The following ITSN2 variants were observed in gnomAD, a reference collection of about 807,000 sequenced individuals.
ITSN2 encodes intersectin-2.
In ITSN2, 156 loss-of-function variants were observed where a neutral mutation model predicts 243.7. The ratio of observed to expected loss-of-function variants is 0.64; its 90% confidence interval spans 0.56 to 0.73. The LOEUF is 0.73. Ranked by LOEUF, ITSN2 falls within the 30% of genes least tolerant of loss-of-function variation. The probability of loss-of-function intolerance (pLI) is 0.00; values close to 1 mark genes in which losing one functional copy is unlikely to be tolerated. For synonymous variants in ITSN2, 703 were observed against 699.9 expected (o/e 1.00, Z -0.07); for missense variants, 1,801 against 1,996.1 (o/e 0.90, Z 1.86).
intron 1 of ITSN2, among the ~76,000 whole-genome samples, chr2:24,352,512 G>C (rs1688114282): frequency 6.6e-6 from 1 of 151,984 alleles, no homozygotes; most frequent in Admixed American, 6.6e-5. Flanking sequence ...AATATACAAA[G>C]CATTAAGACC....
intron 15 of ITSN2, among the ~76,000 whole-genome samples, chr2:24,291,674 G>A (rs1680275392): frequency 6.6e-6 from 1 of 151,994 alleles, no homozygotes; most frequent in Admixed American, 6.6e-5. Context: ...ATTTTTAGTA[G>A]AGATGGCGTA....
At chr2:24,275,047 T>C (rs1165969352) in intron 18 of ITSN2, among the ~76,000 whole-genome samples, 1 of 152,188 alleles carries the variant, frequency 6.6e-6, no homozygotes, top group Non-Finnish European at 1.5e-5. Flanking sequence ...ATATCTCAAG[T>C]GATAAAAAGA....
intron 29 of ITSN2, among the ~76,000 whole-genome samples, chr2:24,233,991 C>T (rs906305599): frequency 1.3e-5 from 2 of 151,978 alleles, no homozygotes; most frequent in Non-Finnish European, 2.9e-5. Context: ...AAAGTTTATA[C>T]GGAGAGGCAA....
rs1368082383 is a variant in ITSN2 at position 24,254,273 on chromosome 2, G to T, written c.2953+94C>A. On this transcript the variant is annotated intron_variant, in intron 24 of 39. Transcript: ENST00000355123. ...GCAGACACAGAAATGGGGAGAATATGCAACTATGTGAAGAACAGCAACTAT... is the reference window on the plus strand; with the variant it reads ...GCAGACACAGAAATGGGGAGAATATTCAACTATGTGAAGAACAGCAACTAT... 3.6e-6 allele frequency: 3 copies of T among 827,876 alleles called. No homozygotes were observed. In the Admixed American group the frequency reaches 5.4e-5, roughly 15 times the overall value. 51.3% of individuals were successfully genotyped at this position (827,876 alleles called of 1,614,324 possible).
At chr2:24,311,318 CAAT>C (rs1417260625) in intron 5 of ITSN2, among the ~76,000 whole-genome samples, 16 of 152,220 alleles carry the variant, frequency 1.1e-4, no homozygotes, top group African/African-American at 2.9e-4. Flanking sequence ...TATGGTCACA[CAAT>C]GATTTAGTAT....
chr2:24,302,343 C>T (rs1170547383), intron 9 of ITSN2, among the ~76,000 whole-genome samples: 4 of 152,000 alleles, frequency 2.6e-5, no homozygotes, highest in Admixed American at 6.6e-5. Context: ...GGACTACAGG[C>T]GCCCGCCACC....
intron 29 of ITSN2, among the ~76,000 whole-genome samples, chr2:24,236,454 C>G (rs948224129): frequency 2.6e-5 from 4 of 152,164 alleles, no homozygotes. Flanking sequence ...TTTGTTAATA[C>G]ACTAAAAACC....
intron 29 of ITSN2, among the ~76,000 whole-genome samples, chr2:24,234,700 C>T (rs927615164): frequency 1.3e-5 from 2 of 152,128 alleles, no homozygotes; most frequent in African/African-American, 4.8e-5. Context: ...ACAGATGCCT[C>T]ATGGAAAAAG....
At chr2:24,285,840 G>C (rs1425396782) in intron 16 of ITSN2, among the ~76,000 whole-genome samples, 1 of 152,204 alleles carries the variant, frequency 6.6e-6, no homozygotes, top group Non-Finnish European at 1.5e-5. Context: ...TGTTAAAAGA[G>C]CCACTAACAC....
intron 37 of ITSN2, among the ~76,000 whole-genome samples, chr2:24,207,257 C>T (rs767069641): frequency 3.3e-4 from 50 of 151,992 alleles, no homozygotes; most frequent in Middle Eastern, 3.4e-3. Flanking sequence ...GCCTGTGATA[C>T]GGGGACAGGA....
At chr2:24,303,926 T>C in intron 8 of ITSN2, 64 bp from the exon 9 acceptor site, 2 of 1,070,954 alleles carry the variant, frequency 1.9e-6, no homozygotes, top group East Asian at 2.4e-5. Flanking sequence ...CATAACAAAT[T>C]AGCTGTATCT....
At chr2:24,248,235 G>A (rs921106731) in intron 27 of ITSN2, among the ~76,000 whole-genome samples, 1 of 151,902 alleles carries the variant, frequency 6.6e-6, no homozygotes, top group African/African-American at 2.4e-5. Flanking sequence ...GACCACTAGC[G>A]GACAGCCCAA....
intron 1 of ITSN2, among the ~76,000 whole-genome samples, chr2:24,341,950 C>CA (rs1371283297): frequency 3.3e-5 from 5 of 150,630 alleles, no homozygotes; most frequent in South Asian, 2.1e-4. Context: ...TATTTTTAGA[C>CA]AAAAAAAAGA....
chr2:24,217,063 G>T (rs1388698630), intron 31 of ITSN2, among the ~76,000 whole-genome samples: 1 of 142,130 alleles, frequency 7.0e-6, no homozygotes, highest in African/African-American at 2.7e-5. Flanking sequence ...TAGCCTGGGT[G>T]AGAGAGCGAG....
chr2:24,253,254 G>A (rs1330833614), intron 24 of ITSN2, among the ~76,000 whole-genome samples: 4 of 152,066 alleles, frequency 2.6e-5, no homozygotes, highest in Non-Finnish European at 4.4e-5. Flanking sequence ...AACTTGAGAC[G>A]ATGAGAAACA....
intron 29 of ITSN2, among the ~76,000 whole-genome samples, chr2:24,245,068 A>C (rs1481245458): frequency 6.6e-6 from 1 of 152,238 alleles, no homozygotes; most frequent in Non-Finnish European, 1.5e-5. Context: ...CTAAAAATTA[A>C]AAGAGTGGGA....
intron 11 of ITSN2, 67 bp from the exon 12 acceptor site, chr2:24,300,238 T>C: frequency 6.8e-7 from 1 of 1,472,888 alleles, no homozygotes; most frequent in Non-Finnish European, 9.3e-7. Flanking sequence ...ATCTAGTTTC[T>C]ATATACTTAT....
At chr2:24,207,702 CCACTGGTGT>C (rs1373638822) in intron 37 of ITSN2, among the ~76,000 whole-genome samples, 1 of 151,860 alleles carries the variant, frequency 6.6e-6, no homozygotes, top group Admixed American at 6.6e-5. Flanking sequence ...ACTAACTAGG[CCACTGGTGT>C]CACTGGTGGG....
At chr2:24,279,154 G>C (rs535568270) in intron 17 of ITSN2, among the ~76,000 whole-genome samples, 1 of 152,144 alleles carries the variant, frequency 6.6e-6, no homozygotes. Flanking sequence ...AAACTTTTCT[G>C]TATGTTAAAT....
Sources: gnomAD v4.1 joint callset for allele counts (sites outside exome capture counted in the v4.1 genomes callset) on GRCh38, gnomAD v4.1.1 for gene constraint, MANE v1.5 for transcripts, NCBI Gene and HGNC (gene_info 2026-07-23, HGNC 2026-07-21) for gene names.